TUSC3: variants seen among roughly 807,000 people sequenced by gnomAD.
TUSC3 encodes the protein tumor suppressor candidate 3, also known as dolichyl-diphosphooligosaccharide--protein glycosyltransferase subunit TUSC3.
In TUSC3, 45 loss-of-function variants were observed where a neutral mutation model predicts 44.8. The observed-to-expected ratio is 1.00, with a 90% confidence interval of 0.79 to 1.29. The LOEUF (loss-of-function observed/expected upper bound fraction) is 1.29, where lower values mean the gene tolerates loss of function less well. Ranked by LOEUF, TUSC3 falls within the 50% of genes most tolerant of loss-of-function variation. TUSC3 has a pLI of 0.00. For synonymous variants in TUSC3, 212 were observed against 152.9 expected (o/e 1.39, Z -2.85); for missense variants, 519 against 437.9 (o/e 1.19, Z -1.65).
intron 1 of TUSC3, among the ~76,000 whole-genome samples, chr8:15,549,591 T>A (rs1801986477): frequency 6.6e-6 from 1 of 151,678 alleles, no homozygotes; most frequent in African/African-American, 2.4e-5. Context: ...AATATTATAT[T>A]TTAATAATAT....
chr8:15,617,120 A>ATGTGTGTGTGTGTGTGTGTG (rs143444660), intron 1 of TUSC3, among the ~76,000 whole-genome samples: 53,664 of 123,018 alleles, frequency 0.44, 14,118 homozygotes, highest in Non-Finnish European at 0.54. Flanking sequence ...TATCTGTAAA[A>ATGTGTGTGTGTGTGTGTGTG]TGTGTGTGTG....
intron 2 of TUSC3, among the ~76,000 whole-genome samples, chr8:15,505,015 C>G (rs536117935): frequency 3.3e-5 from 5 of 152,004 alleles, no homozygotes; most frequent in Non-Finnish European, 7.4e-5. Context: ...GTATCAACAT[C>G]TATTAAACAT....
chr8:15,450,968 C>A (rs1449453899), intron 1 of TUSC3, among the ~76,000 whole-genome samples: 1 of 152,044 alleles, frequency 6.6e-6, no homozygotes, highest in East Asian at 1.9e-4. Context: ...TGAACTTGAC[C>A]CCATGACTAA....
chr8:15,776,645 T>C, the TUSC3 span, among the ~76,000 whole-genome samples: 1 of 152,186 alleles, frequency 6.6e-6, no homozygotes, highest in Admixed American at 6.5e-5. Flanking sequence ...TTACATTCTT[T>C]TGAAATTTAT....
At chr8:15,715,752 A>G (rs1246153324) in intron 6 of TUSC3, among the ~76,000 whole-genome samples, 4 of 152,182 alleles carry the variant, frequency 2.6e-5, no homozygotes, top group Admixed American at 2.6e-4. Context: ...TTTTAGAAAA[A>G]AAAATGCTTC....
At chr8:15,820,221 A>G in the TUSC3 span, among the ~76,000 whole-genome samples, 1 of 151,406 alleles carries the variant, frequency 6.6e-6, no homozygotes, top group Non-Finnish European at 1.5e-5. Flanking sequence ...ATAATGTATT[A>G]TGCTTCTTAT....
At chr8:15,773,519 T>G in the TUSC3 span, among the ~76,000 whole-genome samples, 1 of 152,166 alleles carries the variant, frequency 6.6e-6, no homozygotes, top group South Asian at 2.1e-4. Flanking sequence ...ATGGAAATAC[T>G]TCTCAAAATG....
intron 4 of TUSC3, among the ~76,000 whole-genome samples, chr8:15,661,077 T>C (rs1460064880): frequency 6.6e-6 from 1 of 151,960 alleles, no homozygotes; most frequent in Non-Finnish European, 1.5e-5. Flanking sequence ...CCCCCATGTC[T>C]CTTTACCTCT....
chr8:15,606,198 C>T (rs997096407), intron 1 of TUSC3, among the ~76,000 whole-genome samples: 7 of 152,014 alleles, frequency 4.6e-5, no homozygotes, highest in African/African-American at 1.7e-4. Flanking sequence ...TGGTTGCTCC[C>T]ATTTTAAACA....
intron 3 of TUSC3, 138 bp from the exon 4 acceptor site, chr8:15,659,369 C>A: frequency 9.5e-7 from 1 of 1,056,920 alleles, no homozygotes; most frequent in Non-Finnish European, 1.4e-6. Flanking sequence ...CAAATAAAAA[C>A]AGAAATTTAC....
chr8:15,650,108 CA>C lies in TUSC3; in HGVS notation c.309-588del, dbSNP rs1393524832. Among the ~76,000 whole-genome samples, 4 of 152,210 alleles carry C rather than the reference CA, an allele frequency of 2.6e-5. No individual in the cohort carries two copies. In the East Asian group the frequency reaches 7.7e-4, roughly 29 times the overall value. ...CATCTTAGAGAAGGAATGTTTGTGG[CA>C]TCTGGTTTAGCTACAAAGAGAAATC... On this transcript the variant is annotated intron_variant, in intron 2 of 10. Coordinates refer to ENST00000503731, the MANE Select transcript of TUSC3 (RefSeq NM_006765.4).
At chr8:15,628,603 C>G (rs1161134088) in intron 2 of TUSC3, among the ~76,000 whole-genome samples, 1 of 152,022 alleles carries the variant, frequency 6.6e-6, no homozygotes, top group Non-Finnish European at 1.5e-5. Flanking sequence ...TTGTGCAAAG[C>G]AGTATAGAGA....
chr8:15,673,934 TTGTC>T (rs1292404101), intron 6 of TUSC3, 98 bp downstream of exon 6: 4 of 1,045,856 alleles, frequency 3.8e-6, no homozygotes, highest in Non-Finnish European at 5.8e-6. Flanking sequence ...AAGATTCTGT[TTGTC>T]AGTCAAAATA....
chr8:15,628,407 G>A (rs535952322), intron 2 of TUSC3, among the ~76,000 whole-genome samples: 2 of 152,024 alleles, frequency 1.3e-5, no homozygotes, highest in Admixed American at 1.3e-4. Flanking sequence ...ATGACATCTA[G>A]CCTATAACAA....
intron 1 of TUSC3, among the ~76,000 whole-genome samples, chr8:15,590,812 C>T (rs1585131929): frequency 6.6e-6 from 1 of 152,000 alleles, no homozygotes; most frequent in South Asian, 2.1e-4. Context: ...GCTGGCACAA[C>T]AGGTGCACAC....
At position 15,755,850 on chromosome 8, in the gene TUSC3, G is replaced by C. The variant is rs1563207747; in HGVS notation, c.1029-1941G>C. On this transcript the variant is annotated intron_variant, in intron 9 of 10. Coordinates refer to ENST00000503731, the MANE Select transcript of TUSC3 (RefSeq NM_006765.4). ...CTTTAGTGCTTGCCCCATTTTCTAA[G>C]AAGAGCAAAGTGCTAGCAAGGACAT... Among the ~76,000 whole-genome samples, 3 of 152,242 alleles carry C rather than the reference G, an allele frequency of 2.0e-5. No individual in the cohort carries two copies. In the South Asian group the frequency reaches 6.2e-4, roughly 32 times the overall value.
At chr8:15,580,924 G>A (rs1463995990) in intron 1 of TUSC3, among the ~76,000 whole-genome samples, 6 of 127,270 alleles carry the variant, frequency 4.7e-5, no homozygotes, top group African/African-American at 1.9e-4. Context: ...TTCCAACTTG[G>A]TTCCATTCTC....
At chr8:15,541,662 T>C (rs1486237526) in intron 1 of TUSC3, among the ~76,000 whole-genome samples, 1 of 152,104 alleles carries the variant, frequency 6.6e-6, no homozygotes, top group Non-Finnish European at 1.5e-5. Flanking sequence ...TGAAAGTAGG[T>C]CATATGAAAT....
At chr8:15,769,011 TATAG>T (rs1269101092), downstream of TUSC3, among the ~76,000 whole-genome samples, 1 of 152,120 alleles carries the variant, frequency 6.6e-6, no homozygotes, top group African/African-American at 2.4e-5. Context: ...AAAAGTAACT[TATAG>T]ATTAAATGCT....
Sources: gnomAD v4.1 joint callset for allele counts (sites outside exome capture counted in the v4.1 genomes callset) on GRCh38, gnomAD v4.1.1 for gene constraint, MANE v1.5 for transcripts, NCBI Gene and HGNC (gene_info 2026-07-23, HGNC 2026-07-21) for gene names.